The following AP3M1 variants were observed in gnomAD, a reference collection of about 807,000 sequenced individuals.
AP3M1 encodes the protein AP-3 complex subunit mu-1.
A neutral mutation model predicts 42.6 loss-of-function variants in AP3M1; 29 were observed. The ratio of observed to expected loss-of-function variants is 0.68; its 90% CI spans 0.51 to 0.93. The LOEUF (loss-of-function observed/expected upper bound fraction) is 0.93, where lower values mean the gene tolerates loss of function less well. Ranked by LOEUF, AP3M1 falls within the 40% of genes least tolerant of loss-of-function variation. The pLI is 0.00. For synonymous variants in AP3M1, 178 were observed against 175.3 expected (o/e 1.02, Z -0.12); for missense variants, 416 against 510.2 (o/e 0.82, Z 1.78).
At chr10:74,141,156 T>C (rs1382737634) in intron 1 of AP3M1, among the ~76,000 whole-genome samples, 3 of 152,102 alleles carry the variant, frequency 2.0e-5, no homozygotes, top group Non-Finnish European at 4.4e-5. Context: ...TTTTACTCAA[T>C]AATAAGAAGG....
At chr10:74,140,204 C>T (rs1376822402) in intron 1 of AP3M1, among the ~76,000 whole-genome samples, 2 of 152,164 alleles carry the variant, frequency 1.3e-5, no homozygotes, top group Admixed American at 6.5e-5. Flanking sequence ...CACCCCAGCC[C>T]GAGCCTGCGT....
intron 1 of AP3M1, among the ~76,000 whole-genome samples, chr10:74,141,622 C>A (rs559892085): frequency 6.6e-6 from 1 of 151,826 alleles, no homozygotes; most frequent in Non-Finnish European, 1.5e-5. Flanking sequence ...AACTAATCTA[C>A]GTTAAATCAA....
chr10:74,134,133 G>A lies in AP3M1; in HGVS notation c.477C>T (p.Thr159=), dbSNP rs139413801. The change falls in exon 4 of 9, where the codon ACC becomes ACT. Residue 159 remains threonine, a synonymous_variant. Transcript: ENST00000355264. ...GCCATGGTATGTTGGACAGCTGCCC[G>A]GTGGGGAGTGTGTCCCCAACATTAC... ...GSSNVGDTLP[T]GQLSNIPWRR... is the part of the protein sequence containing the mutation. 1,907 of 1,614,006 alleles carry A rather than the reference G, an allele frequency of 1.2e-3. 11 individuals carry two copies. In the African/African-American group the frequency reaches 0.012, roughly 10 times the overall value.
In AP3M1 at chr10:74,123,896, G is replaced by A. The variant is rs1201916512; in HGVS notation, c.1171C>T (p.Arg391Cys). The change falls in exon 9 of 9, where the codon CGT (arginine) becomes TGT (cysteine). Residue 391 changes from arginine (R) to cysteine (C), a missense_variant. By Grantham distance (180) the Arg-to-Cys change is radical. Transcript: ENST00000355264. ...TATTTCTCCCCATACATGTCCAAAC[G>A]GTTTACTTTTAAGCCTGTATCAAAA... The part of the protein sequence containing the change: ...QLAISGLKVN[R>C]LDMYGEKYKP... 4 of 1,613,222 alleles carry A rather than the reference G, an allele frequency of 2.5e-6. No individual in the cohort carries two copies. Among genetic ancestry groups the A allele is most frequent in the Non-Finnish European group, 3.4e-6 (4 of 1,179,482 alleles).
intron 2 of AP3M1, 45 bp downstream of exon 2, chr10:74,138,062 C>G (rs1841000380): frequency 6.4e-7 from 1 of 1,572,040 alleles, no homozygotes; most frequent in African/African-American, 1.4e-5. Flanking sequence ...TCACCTTCAG[C>G]TAACTTGGGT....
At position 74,137,202 on chromosome 10, in the gene AP3M1, T is replaced by C. The variant is rs190802466; in HGVS notation, c.274-399A>G. On this transcript the variant is annotated intron_variant, in intron 2 of 8. Coordinates refer to ENST00000355264, the MANE Select transcript of AP3M1 (RefSeq NM_012095.6). ...TTGCGGTGAGCCAAGATCATGCTAC[T>C]GCACTCCAGCCTAGGGAACAGAGTG... 6.3e-4 allele frequency among the ~76,000 whole-genome samples: 96 copies of C among 152,244 alleles called. No homozygotes were observed. The East Asian group carries it at 0.016, about 26-fold the overall frequency.
chr10:74,141,514 C>G (rs1288720684), intron 1 of AP3M1, among the ~76,000 whole-genome samples: 1 of 151,618 alleles, frequency 6.6e-6, no homozygotes, highest in African/African-American at 2.4e-5. Flanking sequence ...TATATACATA[C>G]AAACGAATCT....
At chr10:74,147,223 T>C (rs1009381147) in intron 1 of AP3M1, among the ~76,000 whole-genome samples, 2 of 152,122 alleles carry the variant, frequency 1.3e-5, no homozygotes, top group Non-Finnish European at 2.9e-5. Flanking sequence ...AGGTGGAGGC[T>C]GCAGTGAGCC....
intron 7 of AP3M1, among the ~76,000 whole-genome samples, chr10:74,125,521 C>G (rs371659869): frequency 2.0e-4 from 31 of 152,330 alleles, no homozygotes; most frequent in African/African-American, 7.5e-4. Flanking sequence ...ATTAAATAAT[C>G]TTTAACATTC....
intron 1 of AP3M1, among the ~76,000 whole-genome samples, chr10:74,140,793 A>T (rs1314702224): frequency 6.6e-6 from 1 of 152,180 alleles, no homozygotes; most frequent in Admixed American, 6.5e-5. Context: ...TTGGAGAGAG[A>T]ACAACCTTTT....
rs528698943 is a variant in AP3M1 at position 74,143,984 on chromosome 10, C to T, written c.-3-5602G>A. On this transcript the variant is annotated intron_variant, in intron 1 of 8. Coordinates refer to ENST00000355264, the MANE Select transcript of AP3M1 (RefSeq NM_012095.6). ...AATTTTAATTAATTTTTTTTTGAGA[C>T]GGAGTCTTGCTCTGTCTCCCAGACA... Among the ~76,000 whole-genome samples, 8 of 152,100 alleles carry T rather than the reference C, an allele frequency of 5.3e-5. No homozygotes were observed. The South Asian group carries it at 1.0e-3, about 20-fold the overall frequency.
chr10:74,133,883 G>C, intron 4 of AP3M1, 144 bp downstream of exon 4: 2 of 900,718 alleles, frequency 2.2e-6, no homozygotes, highest in South Asian at 3.4e-5. Flanking sequence ...CTCGAACTCT[G>C]ACCTCATGTT....
intron 1 of AP3M1, among the ~76,000 whole-genome samples, chr10:74,141,714 C>CTT (rs920907444): frequency 2.8e-4 from 37 of 133,410 alleles, no homozygotes; most frequent in African/African-American, 4.7e-4. Context: ...TTTTATTTTC[C>CTT]TTTTTTTTTT....
Position 74,121,533 on chromosome 10 carries a change from C to T in AP3M1, c.*2277G>A, listed in dbSNP as rs1840460293. 1 of 152,172 alleles carries T rather than the reference C, an allele frequency of 6.6e-6. No individual in the cohort carries two copies. Among genetic ancestry groups the T allele is most frequent in the South Asian group, 2.1e-4 (1 of 4,830 alleles). The allele number at this position is 152,172 out of a possible 1,614,324, so 9.4% of individuals were successfully genotyped here. A position where few individuals can be genotyped will look rare whatever the true frequency, so the allele number is the denominator to read the frequency against. ...GTGGTGGTAGTGATAGGGAAGGGAG[C>T]TTTGATCACTAATCTCTCAGACTGT... On this transcript the variant is annotated 3_prime_UTR_variant, in exon 9 of 9. Coordinates refer to ENST00000355264, the MANE Select transcript of AP3M1 (RefSeq NM_012095.6).
chr10:74,129,360 C>T, intron 5 of AP3M1, 119 bp from the exon 6 acceptor site: 1 of 868,926 alleles, frequency 1.2e-6, no homozygotes, highest in Non-Finnish European at 1.7e-6. Context: ...TTTATGACCA[C>T]ATCTACACAA....
At chr10:74,148,547 A>AT (rs1316310285) in intron 1 of AP3M1, among the ~76,000 whole-genome samples, 2 of 152,098 alleles carry the variant, frequency 1.3e-5, no homozygotes, top group Admixed American at 1.3e-4. Context: ...GCGTATGTGT[A>AT]TATGTATTTT....
intron 1 of AP3M1, among the ~76,000 whole-genome samples, chr10:74,148,993 C>T (rs1370775992): frequency 6.6e-6 from 1 of 151,968 alleles, no homozygotes; most frequent in Non-Finnish European, 1.5e-5. Flanking sequence ...CTGCCTCAAC[C>T]TCCCGAGTAG....
At chr10:74,135,219 T>A (rs912793903) in intron 3 of AP3M1, among the ~76,000 whole-genome samples, 3 of 152,232 alleles carry the variant, frequency 2.0e-5, no homozygotes, top group Non-Finnish European at 4.4e-5. Context: ...GATCTCTAAC[T>A]TCTCAAGTGA....
intron 1 of AP3M1, among the ~76,000 whole-genome samples, chr10:74,140,896 GAAAAGCCAA>G (rs1473792834): frequency 2.0e-4 from 30 of 152,156 alleles, no homozygotes; most frequent in Admixed American, 1.8e-3. Context: ...GACCTAATTG[GAAAAGCCAA>G]AATGATAAAA....
Sources: gnomAD v4.1 joint callset for allele counts (sites outside exome capture counted in the v4.1 genomes callset) on GRCh38, gnomAD v4.1.1 for gene constraint, MANE v1.5 for transcripts, NCBI Gene and HGNC (gene_info 2026-07-23, HGNC 2026-07-21) for gene names.